The following COL4A4 variants were observed in gnomAD, a reference collection of about 807,000 sequenced individuals.
The protein encoded by COL4A4 is collagen type IV alpha 4 chain.
In COL4A4, 105 loss-of-function variants were observed where a neutral mutation model predicts 192.9. That is an observed-to-expected ratio of 0.54 (90% CI 0.46 to 0.64). The LOEUF is 0.64. COL4A4 is among the 30% of genes least tolerant of loss of function. The pLI is 0.00. For missense variants in COL4A4, 1,967 were observed against 2,169.3 expected (o/e 0.91, Z 1.85); for synonymous variants, 762 against 769.9 (o/e 0.99, Z 0.17).
chr2:227,131,586 G>A (rs1414774462), intron 4 of COL4A4, among the ~76,000 whole-genome samples: 1 of 152,176 alleles, frequency 6.6e-6, no homozygotes, highest in Non-Finnish European at 1.5e-5. Context: ...CTCAAGCGGA[G>A]GCTGTTCCCC....
chr2:226,995,659 C>G, the COL4A4 span: 1 of 670,308 alleles, frequency 1.5e-6, no homozygotes, highest in Non-Finnish European at 2.7e-6. Context: ...CTCACATCAC[C>G]TGGGACAGTC....
chr2:226,998,387 C>T (rs1960032437), downstream of COL4A4: 1 of 152,192 alleles, frequency 6.6e-6, no homozygotes, highest in Non-Finnish European at 1.5e-5. Flanking sequence ...CCTCCCCCTA[C>T]CCTGGAAATT....
Position 227,059,540 on chromosome 2 carries a change from G to T in COL4A4, c.2248C>A (p.Pro750Thr), listed in dbSNP as rs1976351795. The change falls in exon 28 of 48, where the codon CCA becomes ACA. Residue 750 changes from proline (P) to threonine (T), a missense_variant. Coordinates refer to ENST00000396625, the MANE Select transcript of COL4A4 (RefSeq NM_000092.5). ...ATTCCTTTCTGACCATTCACTCCTG[G>T]TGAGCCGGGAGGGCCTGGGGGCCCA... ...PVGPPGPPGS[P>T]GVNGQKGIPG... 6.2e-7 allele frequency: 1 copy of T among 1,613,950 alleles called. No individual in the cohort carries two copies. Among genetic ancestry groups the T allele is most frequent in the Non-Finnish European group, 8.5e-7 (1 of 1,180,010 alleles).
At chr2:226,972,955 A>G in the COL4A4 span, among the ~76,000 whole-genome samples, 2 of 150,462 alleles carry the variant, frequency 1.3e-5, no homozygotes, top group Non-Finnish European at 3.0e-5. Context: ...ACAAAAAACC[A>G]TGCAGGTTCC....
chr2:227,027,741 T>G, intron 42 of COL4A4, 161 bp downstream of exon 42: 9 of 523,084 alleles, frequency 1.7e-5, no homozygotes, highest in East Asian at 3.1e-5. Context: ...TTACCAAACA[T>G]GAGACTTTGT....
intron 5 of COL4A4, among the ~76,000 whole-genome samples, chr2:227,120,202 C>T (rs186248525): frequency 3.3e-5 from 5 of 152,250 alleles, no homozygotes; most frequent in Non-Finnish European, 1.5e-5. Context: ...CTCCGAATCT[C>T]GATCCTAGAG....
intron 7 of COL4A4, among the ~76,000 whole-genome samples, chr2:227,117,712 GAGAAAA>G (rs2061564613): frequency 1.3e-5 from 2 of 151,378 alleles, no homozygotes; most frequent in Admixed American, 1.3e-4. Context: ...TTATTTAAGT[GAGAAAA>G]AGAAAAAGAG....
chr2:227,097,915 T>G lies in COL4A4; in HGVS notation c.1204+779A>C, dbSNP rs549264548. Among the ~76,000 whole-genome samples, 3 of 152,308 alleles carry G rather than the reference T, an allele frequency of 2.0e-5. No individual in the cohort carries two copies. The South Asian group carries it at 6.2e-4, about 32-fold the overall frequency. Reference sequence around the variant, plus strand: ...AAACTACGTTTACTCAAGACTTTTCTCCTCACAGGTTTAATCAGTTCTCCT... The same window carrying G: ...AAACTACGTTTACTCAAGACTTTTCGCCTCACAGGTTTAATCAGTTCTCCT... On this transcript the variant is annotated intron_variant, in intron 19 of 47. Coordinates refer to ENST00000396625, the MANE Select transcript of COL4A4 (RefSeq NM_000092.5).
At chr2:227,039,805 C>T (rs1334742038) in intron 37 of COL4A4, among the ~76,000 whole-genome samples, 1 of 152,148 alleles carries the variant, frequency 6.6e-6, no homozygotes, top group East Asian at 1.9e-4. Context: ...GCCACAATCA[C>T]CACAGAAACT....
At chr2:226,988,413 T>C in the COL4A4 span, 1 of 1,550,478 alleles carries the variant, frequency 6.4e-7, no homozygotes, top group Non-Finnish European at 8.7e-7. Flanking sequence ...CCCAGATGCC[T>C]GGGAAGCCTG....
At chr2:227,013,275 T>C (rs1964186603) in intron 44 of COL4A4, among the ~76,000 whole-genome samples, 2 of 152,158 alleles carry the variant, frequency 1.3e-5, no homozygotes, top group Admixed American at 1.3e-4. Flanking sequence ...TCTTTCTCTC[T>C]TTCTCTCTCT....
the COL4A4 span, among the ~76,000 whole-genome samples, chr2:226,970,070 C>T: frequency 6.8e-6 from 1 of 147,614 alleles, no homozygotes; most frequent in Non-Finnish European, 1.5e-5. Context: ...TCTCCCCCCG[C>T]ATTCCTTAAA....
At chr2:227,070,879 A>AAATG (rs2058682248) in intron 25 of COL4A4, among the ~76,000 whole-genome samples, 1 of 150,878 alleles carries the variant, frequency 6.6e-6, no homozygotes, top group East Asian at 1.9e-4. Context: ...GTATAATAAT[A>AAATG]AATAAATAAA....
chr2:227,031,957 C>A lies in COL4A4; in HGVS notation c.3805G>T (p.Asp1269Tyr). 1 of 1,611,854 alleles carries A rather than the reference C, an allele frequency of 6.2e-7. No individual in the cohort carries two copies. Residue 1269 changes from aspartate to tyrosine, a missense_variant, in exon 40 of 48, where the codon GAT becomes TAT. Physicochemically the swap from Asp to Tyr is radical, Grantham distance 160. Transcript: ENST00000396625. Reference protein sequence around the residue: ...PPGDQGPPGPDGPRGAPGPPG... With the variant: ...PPGDQGPPGPYGPRGAPGPPG... ...GATTCTCTCATACCTCTTGGGCCAT[C>A]AGGACCAGGAGGTCCCTGATCTCCA...
chr2:227,084,010 A>G (rs3923084), intron 22 of COL4A4, among the ~76,000 whole-genome samples: 6 of 152,128 alleles, frequency 3.9e-5, no homozygotes, highest in Admixed American at 2.6e-4. Flanking sequence ...ACATAACTCA[A>G]TATCTCTGAT....
At chr2:227,044,343 A>G (rs1972015903) in intron 35 of COL4A4, among the ~76,000 whole-genome samples, 1 of 152,224 alleles carries the variant, frequency 6.6e-6, no homozygotes, top group Admixed American at 6.5e-5. Flanking sequence ...TATGAGTTTA[A>G]TGCACGTTTA....
At chr2:227,092,979 T>A (rs2060020296) in intron 20 of COL4A4, among the ~76,000 whole-genome samples, 1 of 152,200 alleles carries the variant, frequency 6.6e-6, no homozygotes, top group Non-Finnish European at 1.5e-5. Context: ...TGTGTTGAAA[T>A]GATTGCCCTT....
At chr2:227,041,469 G>A (rs1050835677) in intron 37 of COL4A4, among the ~76,000 whole-genome samples, 7 of 151,376 alleles carry the variant, frequency 4.6e-5, no homozygotes, top group South Asian at 4.2e-4. Context: ...GTGAAACCCC[G>A]TCTCCACTAA....
chr2:227,116,434 C>T (rs761713756), intron 7 of COL4A4, among the ~76,000 whole-genome samples: 6 of 152,204 alleles, frequency 3.9e-5, no homozygotes, highest in South Asian at 2.1e-4. Context: ...CCCCTGCACA[C>T]GTATTATTCA....
Sources: allele counts gnomAD v4.1 joint callset (sites outside exome capture counted in the v4.1 genomes callset), GRCh38; gene constraint gnomAD v4.1.1; transcripts MANE v1.5; gene names NCBI Gene and HGNC (gene_info 2026-07-23, HGNC 2026-07-21).